Variants in WDR59 observed in about 807,000 individuals in gnomAD.
WDR59 encodes WD repeat domain 59, also known as GATOR2 complex protein WDR59.
A neutral mutation model predicts 131.2 loss-of-function variants in WDR59; 100 were observed. The observed-to-expected ratio is 0.76, with a 90% CI of 0.65 to 0.90. The LOEUF is 0.90. Among genes scored for constraint, WDR59 ranks in the 40% least tolerant of loss-of-function variants. The probability of loss-of-function intolerance (pLI) is 0.00; values close to 1 mark genes in which losing one functional copy is unlikely to be tolerated. For synonymous variants in WDR59, 601 were observed against 466.2 expected, an observed-to-expected ratio of 1.29 and a Z score of -3.72; for missense variants, 1,203 against 1,262.2, an observed-to-expected ratio of 0.95 and a Z score of 0.71.
intron 20 of WDR59, 99 bp from the exon 21 acceptor site, chr16:74,889,914 T>C: frequency 1.2e-6 from 1 of 822,534 alleles, no homozygotes. Flanking sequence ...CCTGATGCCT[T>C]GCTACATTGG....
Position 74,942,819 on chromosome 16 carries a change from GGCACCCGCT to G in WDR59, c.446-2_452del. 1.2e-6 allele frequency: 2 copies of G among 1,613,498 alleles called. No homozygotes were observed. The highest frequency in any genetic ancestry group is 1.7e-6 in the Non-Finnish European group (2 of 1,179,794). The stretch of plus-strand genomic sequence containing the variant: ...TTTTTTTATTCCATTTGACCTGGGA[GGCACCCGCT>G]GCAAAGAAAAATCAGGGAAGAAAGC... On this transcript the variant is annotated splice_acceptor_variant and coding_sequence_variant, in exon 7 of 26. Coordinates refer to ENST00000262144, the MANE Select transcript of WDR59 (RefSeq NM_030581.4). LOFTEE classifies it high-confidence loss of function.
intron 1 of WDR59, among the ~76,000 whole-genome samples, chr16:74,984,399 G>A (rs1294622953): frequency 1.3e-5 from 2 of 152,202 alleles, no homozygotes; most frequent in Non-Finnish European, 2.9e-5. Flanking sequence ...AGTGATGACA[G>A]GGTAGGGGCT....
Position 74,956,550 on chromosome 16 carries a change from AG to A in WDR59, c.164del (p.Ser55PhefsTer31). 6.2e-7 allele frequency: 1 copy of A among 1,614,152 alleles called. No homozygotes were observed. The highest frequency in any genetic ancestry group is 8.5e-7 in the Non-Finnish European group (1 of 1,180,014). ...DAPFEGHRKI[S>X]RQSKWDIGAV... ...CTCCAATGTCCCATTTGCTCTGGCG[AG>A]AGATCTTTCGGTGACCTTCGAAAGG... On this transcript the variant is annotated frameshift_variant, in exon 3 of 26. Transcript: ENST00000262144. LOFTEE classifies it high-confidence loss of function.
At chr16:74,895,218 A>C (rs1466361323) in intron 18 of WDR59, among the ~76,000 whole-genome samples, 1 of 152,154 alleles carries the variant, frequency 6.6e-6, no homozygotes, top group Non-Finnish European at 1.5e-5. Context: ...TCATTTGTAA[A>C]TGCATGTTAC....
rs544140765 is a variant in WDR59 at position 74,980,767 on chromosome 16, T to C, written c.54+4197A>G. ...CAGGCATATCACTTCAGGTAAGGAG[T>C]TCAAGACCAGCCTGGCCAACATGAC... On this transcript the variant is annotated intron_variant, in intron 1 of 25. Transcript: ENST00000262144. Among the ~76,000 whole-genome samples the C allele has an allele frequency of 9.2e-4, 136 of 147,812 alleles. 1 individual carries two copies. Among genetic ancestry groups the C allele is most frequent in the African/African-American group, 3.2e-3 (127 of 39,986 alleles).
chr16:74,928,106 C>A (rs1048646356), intron 8 of WDR59, among the ~76,000 whole-genome samples: 1 of 151,588 alleles, frequency 6.6e-6, no homozygotes, highest in African/African-American at 2.4e-5. Context: ...CAGGGTTTCA[C>A]CATGTTGGCC....
intron 1 of WDR59, among the ~76,000 whole-genome samples, chr16:74,975,468 G>A (rs576122889): frequency 6.6e-6 from 1 of 151,930 alleles, no homozygotes; most frequent in African/African-American, 2.4e-5. Flanking sequence ...TTTGAGACTA[G>A]CCTGGCCAAC....
chr16:74,984,922 G>T (rs371681374), intron 1 of WDR59, 42 bp downstream of exon 1: 3 of 1,592,762 alleles, frequency 1.9e-6, no homozygotes, highest in Non-Finnish European at 2.6e-6. Context: ...GGGAAGCGGG[G>T]AGGACGCATG....
chr16:74,965,926 A>C, intron 1 of WDR59, 104 bp from the exon 2 acceptor site: 2 of 1,199,122 alleles, frequency 1.7e-6, no homozygotes, highest in Non-Finnish European at 2.5e-6. Context: ...AGAAGTCCCC[A>C]GCTCGCAGGT....
Position 74,938,212 on chromosome 16 carries a change from G to A in WDR59, c.589C>T (p.Leu197=). Residue 197 remains leucine (L), a synonymous_variant, in exon 8 of 26, where the codon CTG becomes TTG. Coordinates refer to ENST00000262144, the MANE Select transcript of WDR59 (RefSeq NM_030581.4). The part of the protein sequence containing the change: ...LAAHLSKIHG[L]DWHPDSEHIL... The stretch of plus-strand genomic sequence containing the variant: ...TGCTCGCTGTCTGGGTGCCAGTCCA[G>A]GCCATGGATTTTGGAGAGGTGGGCG... 1 of 1,568,246 alleles carries A rather than the reference G, an allele frequency of 6.4e-7. No homozygotes were observed. Among genetic ancestry groups the A allele is most frequent in the African/African-American group, 1.4e-5 (1 of 72,662 alleles).
intron 8 of WDR59, among the ~76,000 whole-genome samples, chr16:74,926,059 A>ATTTT (rs35909183): frequency 7.7e-6 from 1 of 129,204 alleles, no homozygotes; most frequent in Non-Finnish European, 1.6e-5. Flanking sequence ...AGTCTAATAA[A>ATTTT]TTTTTTTTTT....
At chr16:74,905,213 T>C (rs899081647) in intron 17 of WDR59, among the ~76,000 whole-genome samples, 4 of 151,450 alleles carry the variant, frequency 2.6e-5, no homozygotes, top group Non-Finnish European at 5.9e-5. Flanking sequence ...CCATCACTAC[T>C]AAAAATACAA....
At chr16:74,945,475 T>A (rs1471402323) in intron 6 of WDR59, among the ~76,000 whole-genome samples, 1 of 150,572 alleles carries the variant, frequency 6.6e-6, no homozygotes, top group Non-Finnish European at 1.5e-5. Flanking sequence ...AGACTCTGTC[T>A]CAAAAATAAA....
At chr16:74,974,165 T>A (rs970920661) in intron 1 of WDR59, among the ~76,000 whole-genome samples, 1 of 151,982 alleles carries the variant, frequency 6.6e-6, no homozygotes, top group South Asian at 2.1e-4. Context: ...CAAGACTCCA[T>A]CTCAAAAACA....
At chr16:74,917,645 C>G (rs1966453547) in intron 11 of WDR59, among the ~76,000 whole-genome samples, 1 of 151,760 alleles carries the variant, frequency 6.6e-6, no homozygotes, top group Non-Finnish European at 1.5e-5. Flanking sequence ...CCCGTCTCTA[C>G]TAAAAATACA....
chr16:74,912,477 T>C, intron 13 of WDR59, 115 bp from the exon 14 acceptor site: 1 of 1,094,546 alleles, frequency 9.1e-7, no homozygotes, highest in Non-Finnish European at 1.3e-6. Flanking sequence ...GGAAAGAGTC[T>C]ACAAAGACAA....
At chr16:74,981,660 A>ATATTT (rs1567451007) in intron 1 of WDR59, among the ~76,000 whole-genome samples, 3 of 80,878 alleles carry the variant, frequency 3.7e-5, no homozygotes, top group African/African-American at 2.2e-4. Flanking sequence ...ATATATATAT[A>ATATTT]TTTTTTTTTT....
intron 24 of WDR59, 92 bp from the exon 25 acceptor site, chr16:74,885,887 C>A: frequency 1.4e-6 from 2 of 1,459,682 alleles, no homozygotes; most frequent in Non-Finnish European, 1.8e-6. Flanking sequence ...CTTAAAGCAA[C>A]AGTCCTGGCC....
chr16:74,975,561 GGCTGAGGCAGGAGAATT>G (rs2034146939), intron 1 of WDR59, among the ~76,000 whole-genome samples: 1 of 151,882 alleles, frequency 6.6e-6, no homozygotes, highest in Non-Finnish European at 1.5e-5. Flanking sequence ...CTACTTGGGA[GGCTGAGGCAGGAGAATT>G]GCTTGAACCT....
Sources: gnomAD v4.1 joint callset for allele counts (sites outside exome capture counted in the v4.1 genomes callset) on GRCh38, gnomAD v4.1.1 for gene constraint, MANE v1.5 for transcripts, NCBI Gene and HGNC (gene_info 2026-07-23, HGNC 2026-07-21) for gene names.